CNTNAP4: variants seen among roughly 807,000 people sequenced by gnomAD.
CNTNAP4 encodes the protein contactin-associated protein-like 4.
A neutral mutation model predicts 148.4 loss-of-function variants in CNTNAP4; 98 were observed. That is an observed-to-expected ratio of 0.66 (90% confidence interval 0.56 to 0.78). The LOEUF (loss-of-function observed/expected upper bound fraction) is 0.78. Among genes scored for constraint, CNTNAP4 ranks in the 30% least tolerant of loss-of-function variants. The probability of loss-of-function intolerance (pLI) is 0.00; values close to 1 mark genes in which losing one functional copy is unlikely to be tolerated. For missense variants in CNTNAP4, 1,935 were observed against 1,565.6 expected, an observed-to-expected ratio of 1.24 and a Z score of -3.98; for synonymous variants, 730 against 565.1, an observed-to-expected ratio of 1.29 and a Z score of -4.14.
At chr16:76,427,840 A>G (rs2079466928) in intron 4 of CNTNAP4, among the ~76,000 whole-genome samples, 1 of 152,186 alleles carries the variant, frequency 6.6e-6, no homozygotes, top group Non-Finnish European at 1.5e-5. Context: ...ATTTACTGAT[A>G]CATGGGAATG....
chr16:76,521,928 T>C (rs2083468562), intron 16 of CNTNAP4, 111 bp from the exon 17 acceptor site: 2 of 959,090 alleles, frequency 2.1e-6, no homozygotes, highest in Admixed American at 3.5e-5. Flanking sequence ...CTATGTTCGT[T>C]ATCTTTCTGT....
chr16:76,497,372 A>G (rs2082433968), intron 14 of CNTNAP4, among the ~76,000 whole-genome samples: 1 of 152,216 alleles, frequency 6.6e-6, no homozygotes, highest in Admixed American at 6.5e-5. Flanking sequence ...TTACTTTGTA[A>G]TCTGTAAAGC....
chr16:76,432,164 A>T (rs2079635404), intron 4 of CNTNAP4, among the ~76,000 whole-genome samples: 1 of 152,170 alleles, frequency 6.6e-6, no homozygotes, highest in Non-Finnish European at 1.5e-5. Flanking sequence ...ACTATTTTTT[A>T]GGTGGAATAA....
chr16:76,339,189 G>T (rs1233387887), intron 2 of CNTNAP4, among the ~76,000 whole-genome samples: 1 of 141,528 alleles, frequency 7.1e-6, no homozygotes, highest in African/African-American at 2.6e-5. Flanking sequence ...TAAAAGAGTG[G>T]TCTTTTTAAC....
At chr16:76,366,140 C>T (rs1264852586) in intron 3 of CNTNAP4, among the ~76,000 whole-genome samples, 2 of 151,982 alleles carry the variant, frequency 1.3e-5, no homozygotes, top group Non-Finnish European at 2.9e-5. Flanking sequence ...AAAAAATTTG[C>T]TGAAATTTTT....
intron 3 of CNTNAP4, among the ~76,000 whole-genome samples, chr16:76,359,251 C>A (rs2013103983): frequency 6.6e-6 from 1 of 152,140 alleles, no homozygotes; most frequent in African/African-American, 2.4e-5. Context: ...TGCCAATTTC[C>A]TTTAAGAGCT....
chr16:76,536,579 T>C (rs1023368239), intron 18 of CNTNAP4, among the ~76,000 whole-genome samples: 2 of 152,154 alleles, frequency 1.3e-5, no homozygotes, highest in African/African-American at 4.8e-5. Flanking sequence ...TTTTCAGACA[T>C]AGTTTTTCCA....
intron 4 of CNTNAP4, among the ~76,000 whole-genome samples, chr16:76,439,930 A>G (rs1384385411): frequency 1.3e-5 from 2 of 152,134 alleles, no homozygotes; most frequent in Non-Finnish European, 2.9e-5. Flanking sequence ...TCAGTAATGC[A>G]GGTCTCAAGT....
At chr16:76,538,018 T>C (rs2084284664) in intron 18 of CNTNAP4, 98 bp from the exon 19 acceptor site, 2 of 467,510 alleles carry the variant, frequency 4.3e-6, no homozygotes, top group Non-Finnish European at 6.9e-6. Context: ...CTTCTATCTA[T>C]GCAATTCATT....
At chr16:76,453,224 A>C (rs537011455) in intron 8 of CNTNAP4, among the ~76,000 whole-genome samples, 1 of 152,212 alleles carries the variant, frequency 6.6e-6, no homozygotes, top group African/African-American at 2.4e-5. Context: ...ATGAGTGTAC[A>C]GTGTGAATGG....
rs35002786 is a variant in CNTNAP4 at position 76,559,406 on chromosome 16, TAA to T, written c.*729_*730del. Among the ~76,000 whole-genome samples the T allele has an allele frequency of 1.3e-5, 2 of 151,956 alleles. No individual in the cohort carries two copies. Among genetic ancestry groups the T allele is most frequent in the African/African-American group, 2.4e-5 (1 of 41,390 alleles). ...TGTTAGTATGTAATGTCTTTCCTTTTAAAAAAAGTTTTCCAATTAATTTGCTA... is the reference window on the plus strand; with the variant it reads ...TGTTAGTATGTAATGTCTTTCCTTTTAAAAAGTTTTCCAATTAATTTGCTA... On this transcript the variant is annotated 3_prime_UTR_variant, in exon 24 of 24. Coordinates refer to ENST00000611870, the MANE Select transcript of CNTNAP4 (RefSeq NM_033401.5).
rs1481345249 is a variant in CNTNAP4 at position 76,449,821 on chromosome 16, A to G, written c.1034A>G (p.Asp345Gly). The G allele has an allele frequency of 6.2e-7, 1 of 1,608,476 alleles. No individual in the cohort carries two copies. Among genetic ancestry groups the G allele is most frequent in the Non-Finnish European group, 8.5e-7 (1 of 1,177,542 alleles). Reference protein sequence around the residue: ...NLYYNGVDIIDLAKQQKPQII... With the variant: ...NLYYNGVDIIGLAKQQKPQII... ...TATTATAATGGAGTGGATATCATTG[A>G]TTTGGCCAAGCAGCAAAAACCACAG... Residue 345 changes from aspartate to glycine, a missense_variant, in exon 7 of 24, where the codon GAT becomes GGT. Transcript: ENST00000611870.
At chr16:76,435,779 G>A (rs117149820) in intron 4 of CNTNAP4, among the ~76,000 whole-genome samples, 1,797 of 152,180 alleles carry the variant, frequency 0.012, 12 homozygotes, top group Non-Finnish European at 0.016. Context: ...CCTTATTTCA[G>A]CTAACTAAGC....
intron 3 of CNTNAP4, 95 bp from the exon 4 acceptor site, chr16:76,427,357 A>C: frequency 1.0e-6 from 1 of 996,582 alleles, no homozygotes; most frequent in Middle Eastern, 2.3e-4. Flanking sequence ...TCATAGTAAA[A>C]TGCAGATCAC....
chr16:76,308,972 AT>A (rs61244707), intron 1 of CNTNAP4, among the ~76,000 whole-genome samples: 678 of 142,294 alleles, frequency 4.8e-3, no homozygotes, highest in Non-Finnish European at 4.8e-3. Flanking sequence ...TTCCAGGCTA[AT>A]TTTTTTTTTT....
chr16:76,455,272 A>G (rs76729149), intron 8 of CNTNAP4, among the ~76,000 whole-genome samples: 1,850 of 152,262 alleles, frequency 0.012, 35 homozygotes, highest in African/African-American at 0.043. Context: ...TTCTGCTATG[A>G]TTTTAGCATT....
intron 17 of CNTNAP4, among the ~76,000 whole-genome samples, chr16:76,529,259 T>C (rs1012510324): frequency 1.3e-5 from 2 of 152,182 alleles, no homozygotes; most frequent in Non-Finnish European, 2.9e-5. Flanking sequence ...TGTGTGTGTG[T>C]GTGATTTATG....
chr16:76,373,973 A>G (rs1447239241), intron 3 of CNTNAP4, among the ~76,000 whole-genome samples: 5 of 152,118 alleles, frequency 3.3e-5, no homozygotes, highest in African/African-American at 4.8e-5. Flanking sequence ...AATTGTGTCT[A>G]TAAATCAGAG....
intron 1 of CNTNAP4, among the ~76,000 whole-genome samples, chr16:76,308,120 A>G (rs926748913): frequency 3.1e-5 from 3 of 98,262 alleles, no homozygotes; most frequent in African/African-American, 4.4e-5. Context: ...AAATTGCAGG[A>G]ACATTTTTTT....
Sources: gnomAD v4.1 joint callset for allele counts (sites outside exome capture counted in the v4.1 genomes callset) on GRCh38, gnomAD v4.1.1 for gene constraint, MANE v1.5 for transcripts, NCBI Gene and HGNC (gene_info 2026-07-23, HGNC 2026-07-21) for gene names.